Variants in SBF2 observed in about 807,000 individuals in gnomAD.
SBF2 encodes the protein myotubularin-related protein 13.
Under a neutral mutation model 225.2 loss-of-function variants are expected in SBF2, and 112 were observed. The observed-to-expected ratio is 0.50, with a 90% CI of 0.43 to 0.58. The LOEUF (loss-of-function observed/expected upper bound fraction) is 0.58. Among genes scored for constraint, SBF2 ranks in the 20% least tolerant of loss-of-function variants. The pLI is 0.00. For synonymous variants in SBF2, 763 were observed against 773.3 expected (o/e 0.99, Z 0.22); for missense variants, 1,996 against 2,206.2 (o/e 0.90, Z 1.91).
At chr11:9,822,363 C>T (rs970203844) in intron 28 of SBF2, among the ~76,000 whole-genome samples, 1 of 151,428 alleles carries the variant, frequency 6.6e-6, no homozygotes, top group Non-Finnish European at 1.5e-5. Flanking sequence ...CGGGTTCAAG[C>T]CATTCTCCTG....
chr11:10,114,975 T>C (rs1481699981), intron 2 of SBF2, among the ~76,000 whole-genome samples: 1 of 152,318 alleles, frequency 6.6e-6, no homozygotes, highest in Non-Finnish European at 1.5e-5. Flanking sequence ...ATTTGGACAT[T>C]TGCTTCAGCC....
chr11:9,887,029 C>G lies in SBF2; in HGVS notation c.1929+8914G>C, dbSNP rs373058299. Reference sequence around the variant, plus strand: ...GGACATCAATGTCTACTGAACTGAACTGTACTATATTTCTTTTGGAGTAGA... The same window carrying G: ...GGACATCAATGTCTACTGAACTGAAGTGTACTATATTTCTTTTGGAGTAGA... On this transcript the variant is annotated intron_variant, in intron 17 of 39. Coordinates refer to ENST00000256190, the MANE Select transcript of SBF2 (RefSeq NM_030962.4). 6.6e-5 allele frequency among the ~76,000 whole-genome samples: 10 copies of G among 152,052 alleles called. No individual in the cohort carries two copies. The East Asian group carries it at 1.7e-3, about 26-fold the overall frequency.
intron 28 of SBF2, among the ~76,000 whole-genome samples, chr11:9,817,642 T>C (rs979604701): frequency 1.3e-5 from 2 of 150,874 alleles, no homozygotes; most frequent in African/African-American, 2.4e-5. Flanking sequence ...CAGTGCCTCA[T>C]GCCTGTAATA....
intron 1 of SBF2, among the ~76,000 whole-genome samples, chr11:10,270,762 G>A (rs1275767949): frequency 1.3e-5 from 2 of 152,014 alleles, no homozygotes; most frequent in East Asian, 3.9e-4. Context: ...GGGAGGCCGA[G>A]GTAGGCGGAT....
intron 22 of SBF2, 28 bp downstream of exon 22, chr11:9,849,995 C>T (rs1856808125): frequency 6.3e-7 from 1 of 1,594,718 alleles, no homozygotes; most frequent in African/African-American, 1.3e-5. Flanking sequence ...CACAGATACC[C>T]ATGTTCTGAT....
intron 2 of SBF2, among the ~76,000 whole-genome samples, chr11:10,092,807 A>C (rs1951836465): frequency 6.6e-6 from 1 of 152,168 alleles, no homozygotes; most frequent in Non-Finnish European, 1.5e-5. Context: ...GTGAGAGAGA[A>C]AGAACATCAT....
chr11:10,044,874 G>A (rs1467582738), intron 2 of SBF2, among the ~76,000 whole-genome samples: 1 of 152,188 alleles, frequency 6.6e-6, no homozygotes, highest in Non-Finnish European at 1.5e-5. Context: ...GCACCCTTCT[G>A]CAGAAGTAAA....
At chr11:10,031,211 TC>T in intron 3 of SBF2, 41 bp from the exon 4 acceptor site, 2 of 1,605,976 alleles carry the variant, frequency 1.2e-6, no homozygotes, top group Non-Finnish European at 1.7e-6. Flanking sequence ...AGAAGGGATT[TC>T]CTAGGTTCAT....
At chr11:10,286,392 G>A (rs1963789145) in intron 1 of SBF2, among the ~76,000 whole-genome samples, 1 of 148,950 alleles carries the variant, frequency 6.7e-6, no homozygotes, top group Non-Finnish European at 1.5e-5. Context: ...TCGCCAGGCT[G>A]TAGTGCAGTT....
chr11:9,858,691 G>A (rs1317698924), intron 17 of SBF2, among the ~76,000 whole-genome samples: 3 of 152,118 alleles, frequency 2.0e-5, no homozygotes, highest in Admixed American at 6.5e-5. Flanking sequence ...GGCACTGTAG[G>A]TTTAGTGAAT....
At chr11:10,129,436 CTATA>C (rs967759572) in intron 2 of SBF2, among the ~76,000 whole-genome samples, 7 of 152,116 alleles carry the variant, frequency 4.6e-5, no homozygotes. Context: ...GAATCAACAG[CTATA>C]TATCAAACAC....
chr11:10,083,066 C>T (rs1056185060), intron 2 of SBF2, among the ~76,000 whole-genome samples: 5 of 152,016 alleles, frequency 3.3e-5, no homozygotes, highest in Non-Finnish European at 7.4e-5. Flanking sequence ...AAATCAGTAC[C>T]ATTTCTATAC....
intron 22 of SBF2, among the ~76,000 whole-genome samples, chr11:9,848,108 T>A (rs925937213): frequency 1.3e-5 from 2 of 152,024 alleles, no homozygotes; most frequent in Admixed American, 6.6e-5. Context: ...GGTGGGGAGA[T>A]CTGAACTAGG....
intron 1 of SBF2, among the ~76,000 whole-genome samples, chr11:10,245,460 T>C (rs1440361379): frequency 2.0e-5 from 3 of 152,086 alleles, no homozygotes; most frequent in Non-Finnish European, 4.4e-5. Flanking sequence ...TATCACCTTA[T>C]GTAAGAATGG....
intron 2 of SBF2, among the ~76,000 whole-genome samples, chr11:10,085,468 CTG>C (rs1301248589): frequency 2.0e-5 from 3 of 152,078 alleles, no homozygotes; most frequent in Non-Finnish European, 4.4e-5. Context: ...ATTTCAATGA[CTG>C]TATTTTTATT....
chr11:10,112,003 A>T (rs1952885995), intron 2 of SBF2, among the ~76,000 whole-genome samples: 1 of 152,284 alleles, frequency 6.6e-6, no homozygotes, highest in East Asian at 1.9e-4. Flanking sequence ...TTTAGACATC[A>T]AATTTGAATG....
At chr11:10,013,979 T>C (rs79116621) in intron 6 of SBF2, among the ~76,000 whole-genome samples, 2,220 of 152,302 alleles carry the variant, frequency 0.015, 60 homozygotes, top group African/African-American at 0.051. Context: ...ATTTTTCTGG[T>C]GCTAAACATG....
intron 26 of SBF2, among the ~76,000 whole-genome samples, chr11:9,835,645 A>AAAAAAAAAAAAAAAAAAT (rs1176153197): frequency 6.6e-6 from 1 of 150,404 alleles, no homozygotes; most frequent in South Asian, 2.1e-4. Context: ...AAAAAAAAAA[A>AAAAAAAAAAAAAAAAAAT]AAGATTACTA....
intron 2 of SBF2, among the ~76,000 whole-genome samples, chr11:10,185,315 A>C (rs959260373): frequency 6.6e-6 from 1 of 151,970 alleles, no homozygotes; most frequent in Non-Finnish European, 1.5e-5. Context: ...TGGTAATTTT[A>C]TTTTCAATTT....
Sources: allele counts gnomAD v4.1 joint callset (sites outside exome capture counted in the v4.1 genomes callset), GRCh38; gene constraint gnomAD v4.1.1; transcripts MANE v1.5; gene names NCBI Gene and HGNC (gene_info 2026-07-23, HGNC 2026-07-21).